CCDC51: variants seen among roughly 807,000 people sequenced by gnomAD.
CCDC51 encodes coiled-coil domain containing 51.
A neutral mutation model predicts 24.8 loss-of-function variants in CCDC51; 25 were observed. That is an observed-to-expected ratio of 1.01 (90% CI 0.73 to 1.41). The LOEUF is 1.41. Ranked by LOEUF, CCDC51 falls within the 40% of genes most tolerant of loss-of-function variation. The pLI is 0.00. For synonymous variants in CCDC51, 190 were observed against 204.3 expected (o/e 0.93, Z 0.60); for missense variants, 466 against 519.1 (o/e 0.90, Z 0.99).
At position 48,432,469 on chromosome 3, in the gene CCDC51, A is replaced by G. The variant is rs772368564; in HGVS notation, c.1175T>C (p.Val392Ala). Residue 392 changes from valine to alanine, a missense_variant, in exon 4 of 4, where the codon GTC becomes GCC. By Grantham distance (64) the Val-to-Ala change is moderately conservative (BLOSUM62 0). Transcript: ENST00000395694. ...VNRNTIYSTL[V>A]TCVTFVATLP... ...TGTGGCCACAAATGTCACACAGGTG[A>G]CCAGGGTGCTATAGATGGTGTTCCT... The G allele has an allele frequency of 6.2e-7, 1 of 1,614,102 alleles. No homozygotes were observed. The highest frequency in any genetic ancestry group is 8.5e-7 in the Non-Finnish European group (1 of 1,180,052).
chr3:48,433,684 G>A lies in CCDC51; in HGVS notation c.477+23C>T, dbSNP rs777545238. The stretch of plus-strand genomic sequence containing the variant: ...CTAGGGTCACTGTCCAGGTGCGAAA[G>A]GGCTGCCTCCTGAGGTGCCTACCTG... On this transcript the variant is annotated intron_variant, in intron 3 of 3. Transcript: ENST00000395694. The surrounding 1 kb of genome is among the most constrained non-coding windows in gnomAD (Gnocchi z 4.4). The A allele has an allele frequency of 2.9e-5, 47 of 1,606,106 alleles. No homozygotes were observed. Among genetic ancestry groups the A allele is most frequent in the Non-Finnish European group, 2.2e-5 (26 of 1,175,046 alleles).
upstream of CCDC51, chr3:48,445,173 TA>T (rs1553558926): frequency 1.6e-4 from 16 of 98,870 alleles, no homozygotes; most frequent in East Asian, 3.9e-4. Flanking sequence ...ACCCTGTATT[TA>T]AAAAAAAAAA....
upstream of CCDC51, among the ~76,000 whole-genome samples, chr3:48,441,956 A>G (rs2039579204): frequency 6.6e-6 from 1 of 152,228 alleles, no homozygotes; most frequent in African/African-American, 2.4e-5. Flanking sequence ...GTAAGGGGCC[A>G]GGCACAGAAT....
chr3:48,443,606 C>A (rs1231099006), upstream of CCDC51, among the ~76,000 whole-genome samples: 2 of 152,052 alleles, frequency 1.3e-5, no homozygotes, highest in East Asian at 1.9e-4. Flanking sequence ...ATAAGCCAAT[C>A]TGTGAAGTAT....
Position 48,435,149 on chromosome 3 carries a change from C to T in CCDC51, c.-8-13G>A, listed in dbSNP as rs371128486. ...ATCATCCTGAGATCTGTGAGGGGGA[C>T]GCCAGACAGGTCAGCTCACAGCTGA... On this transcript the variant is annotated splice_polypyrimidine_tract_variant and intron_variant, in intron 1 of 3. Transcript: ENST00000395694. The surrounding 1 kb of genome is among the most constrained non-coding windows in gnomAD (Gnocchi z 4.2). 15 of 1,550,466 alleles carry T rather than the reference C, an allele frequency of 9.7e-6. No homozygotes were observed. Among genetic ancestry groups the T allele is most frequent in the East Asian group, 9.0e-5 (4 of 44,356 alleles).
At chr3:48,444,048 A>G (rs748450207), upstream of CCDC51, 4 of 463,684 alleles carry the variant, frequency 8.6e-6, no homozygotes, top group Non-Finnish European at 1.5e-5. Flanking sequence ...AAAATCTTAC[A>G]GTGGCTCATC....
upstream of CCDC51, chr3:48,444,098 CTG>C (rs754291844): frequency 7.8e-5 from 30 of 383,872 alleles, no homozygotes; most frequent in Non-Finnish European, 1.1e-4. Flanking sequence ...CCTACCATAA[CTG>C]TGAATTTAAA....
Position 48,433,773 on chromosome 3 carries a change from C to G in CCDC51, c.411G>C (p.Leu137Phe). The change falls in exon 3 of 4, where the codon TTG (leucine) becomes TTC (phenylalanine). Residue 137 changes from leucine (L) to phenylalanine (F), a missense_variant. Coordinates refer to ENST00000395694, the MANE Select transcript of CCDC51 (RefSeq NM_001256964.2). This position sits in a 1 kb window ranked among gnomAD's most constrained non-coding sequence, Gnocchi z 4.4. ...QAKLKEVRDR[L>F]DRVSREDSQY... is the part of the protein sequence containing the mutation. ...GACTGTCCTCCCTGGAGACACGGTC[C>G]AAGCGGTCCCTCACCTCCTTCAGCT... is the stretch of plus-strand genomic sequence containing the variant. The G allele has an allele frequency of 6.2e-7, 1 of 1,614,124 alleles. No homozygotes were observed. The highest frequency in any genetic ancestry group is 8.5e-7 in the Non-Finnish European group (1 of 1,180,002).
chr3:48,432,596 C>T lies in CCDC51; in HGVS notation c.1048G>A (p.Val350Met), dbSNP rs1254079739. 6.2e-7 allele frequency: 1 copy of T among 1,614,266 alleles called. No homozygotes were observed. The highest frequency in any genetic ancestry group is 1.3e-5 in the African/African-American group (1 of 75,080). Reference protein sequence around the residue: ...LVKSAAHPGLVEPADGAMPSF... With the variant: ...LVKSAAHPGLMEPADGAMPSF... ...GGCATAGCCCCGTCTGCTGGTTCCA[C>T]CAGGCCTGGGTGTGCTGCAGACTTT... The change falls in exon 4 of 4, where the codon GTG (valine) becomes ATG (methionine). Residue 350 changes from valine (V) to methionine (M), a missense_variant. Coordinates refer to ENST00000395694, the MANE Select transcript of CCDC51 (RefSeq NM_001256964.2).
rs774679864 is a variant in CCDC51 at position 48,434,800 on chromosome 3, C to T, written c.312+17G>A. 2 of 1,571,282 alleles carry T rather than the reference C, an allele frequency of 1.3e-6. No individual in the cohort carries two copies. The highest frequency in any genetic ancestry group is 1.3e-5 in the African/African-American group (1 of 74,226). On this transcript the variant is annotated intron_variant, in intron 2 of 3. Coordinates refer to ENST00000395694, the MANE Select transcript of CCDC51 (RefSeq NM_001256964.2). ...AAGTCAGAGGGCGGGGCCAGCCACCCCAGCTCCCCTCCTCACCTCTGTCAC... is the reference window on the plus strand; with the variant it reads ...AAGTCAGAGGGCGGGGCCAGCCACCTCAGCTCCCCTCCTCACCTCTGTCAC...
Position 48,433,676 on chromosome 3 carries a change from G to A in CCDC51, c.477+31C>T. 5.0e-6 allele frequency: 8 copies of A among 1,601,316 alleles called. No individual in the cohort carries two copies. The highest frequency in any genetic ancestry group is 6.8e-6 in the Non-Finnish European group (8 of 1,172,386). ...CTGCCAGGCTAGGGTCACTGTCCAG[G>A]TGCGAAAGGGCTGCCTCCTGAGGTG... On this transcript the variant is annotated intron_variant, in intron 3 of 3. Transcript: ENST00000395694. The surrounding 1 kb of genome is among the most constrained non-coding windows in gnomAD (Gnocchi z 4.4).
At chr3:48,443,345 C>T (rs1236212640), upstream of CCDC51, among the ~76,000 whole-genome samples, 1 of 151,000 alleles carries the variant, frequency 6.6e-6, no homozygotes, top group African/African-American at 2.4e-5. Flanking sequence ...GTCAGGAGTT[C>T]GAGACCAGCC....
chr3:48,439,753 ATTTT>A (rs2039496897), intron 1 of CCDC51, among the ~76,000 whole-genome samples: 1 of 152,192 alleles, frequency 6.6e-6, no homozygotes, highest in African/African-American at 2.4e-5. Context: ...ACCAAAATAA[ATTTT>A]TTTGACCATT....
In CCDC51 at chr3:48,432,727, T is replaced by C; in HGVS notation, c.917A>G (p.Gln306Arg). ...VDVLSAALKE[Q>R]LSHSRQVHSC... ...ATGGACTTGCCTGGAATGACTAAGC[T>C]GCTCTTTCAAGGCAGCTGAAAGGAC... The change falls in exon 4 of 4, where the codon CAG (glutamine) becomes CGG (arginine). Residue 306 changes from glutamine to arginine, a missense_variant. Transcript: ENST00000395694. 1 of 1,614,214 alleles carries C rather than the reference T, an allele frequency of 6.2e-7. No homozygotes were observed. Among genetic ancestry groups the C allele is most frequent in the Non-Finnish European group, 8.5e-7 (1 of 1,180,054 alleles).
intron 1 of CCDC51, chr3:48,438,218 T>G (rs950623758): frequency 1.3e-5 from 2 of 152,118 alleles, no homozygotes; most frequent in Non-Finnish European, 1.5e-5. Context: ...TCAAAAAAAT[T>G]TATTTTGGTG....
intron 1 of CCDC51, among the ~76,000 whole-genome samples, chr3:48,438,626 T>A (rs1252527982): frequency 6.6e-6 from 1 of 152,122 alleles, no homozygotes; most frequent in Non-Finnish European, 1.5e-5. Context: ...TCCCTCCTCC[T>A]CTCACCTCTG....
upstream of CCDC51, chr3:48,440,257 G>C (rs1455876878): frequency 8.9e-6 from 14 of 1,578,242 alleles, no homozygotes; most frequent in Non-Finnish European, 1.2e-5. Flanking sequence ...CAGACGCTCC[G>C]TTTCCGGTGG....
upstream of CCDC51, among the ~76,000 whole-genome samples, chr3:48,441,342 C>T (rs2107164797): frequency 6.6e-6 from 1 of 151,942 alleles, no homozygotes; most frequent in South Asian, 2.1e-4. Flanking sequence ...CCGCACCTGG[C>T]CAGTTTTTTT....
rs2039255205 is a variant in CCDC51, at chr3:48,433,579, G to A, written c.477+128C>T. 1.0e-5 allele frequency: 10 copies of A among 980,532 alleles called. No homozygotes were observed. 60.7% of individuals were successfully genotyped at this position (980,532 alleles called of 1,614,324 possible). On this transcript the variant is annotated intron_variant, in intron 3 of 3. Transcript: ENST00000395694. The surrounding 1 kb of genome is among the most constrained non-coding windows in gnomAD (Gnocchi z 4.4). ...CTTGGGGTTCTGTCCATCCATAGGA[G>A]CTTCTGGCTCACCTCTGTACCAGGC...
Sources: gnomAD v4.1 joint callset for allele counts (sites outside exome capture counted in the v4.1 genomes callset) on GRCh38, gnomAD v4.1.1 for gene constraint, Gnocchi (gnomAD v3.1) non-coding constraint, MANE v1.5 for transcripts, NCBI Gene and HGNC (gene_info 2026-07-23, HGNC 2026-07-21) for gene names.